Variants in GXYLT2 observed in about 807,000 individuals in gnomAD.
GXYLT2 encodes glycosyltransferase 8 domain containing 4.
Under a neutral mutation model 45.8 loss-of-function variants are expected in GXYLT2, and 53 were observed. That is an observed-to-expected ratio of 1.16 (90% confidence interval 0.93 to 1.46). The LOEUF (loss-of-function observed/expected upper bound fraction) is 1.46. Among genes scored for constraint, GXYLT2 ranks in the 40% most tolerant of loss-of-function variants. The pLI, the probability that GXYLT2 is intolerant of heterozygous loss-of-function variation, is 0.00. For synonymous variants in GXYLT2, 219 were observed against 214.2 expected (o/e 1.02, Z -0.19); for missense variants, 551 against 544.4 (o/e 1.01, Z -0.12).
At chr3:72,904,271 A>C (rs1295390052) in intron 1 of GXYLT2, among the ~76,000 whole-genome samples, 3 of 152,334 alleles carry the variant, frequency 2.0e-5, no homozygotes, top group Middle Eastern at 3.4e-3. Context: ...GGATCCTCAC[A>C]ATCTTGATTG....
At chr3:72,952,551 C>T (rs111851581) in intron 3 of GXYLT2, among the ~76,000 whole-genome samples, 2 of 151,970 alleles carry the variant, frequency 1.3e-5, no homozygotes, top group Admixed American at 1.3e-4. Context: ...CTTGGGCTGC[C>T]GTAACAAAAT....
chr3:72,972,908 G>A (rs1396935370), intron 6 of GXYLT2, among the ~76,000 whole-genome samples: 1 of 151,986 alleles, frequency 6.6e-6, no homozygotes, highest in Non-Finnish European at 1.5e-5. Flanking sequence ...CTGTACTCCA[G>A]CCAGAGCAAG....
At chr3:72,965,695 G>A (rs1428861343) in intron 5 of GXYLT2, among the ~76,000 whole-genome samples, 1 of 152,086 alleles carries the variant, frequency 6.6e-6, no homozygotes, top group Admixed American at 6.6e-5. Flanking sequence ...GTTCATTATA[G>A]GATGTTCAGA....
chr3:72,945,453 A>G (rs993939323), intron 3 of GXYLT2, among the ~76,000 whole-genome samples: 3 of 152,208 alleles, frequency 2.0e-5, no homozygotes, highest in Admixed American at 2.0e-4. Context: ...AGAAGATCCC[A>G]GCCCTCAAGG....
intron 4 of GXYLT2, 38 bp downstream of exon 4, chr3:72,955,387 G>A (rs1203736481): frequency 6.2e-7 from 1 of 1,602,610 alleles, no homozygotes; most frequent in Non-Finnish European, 8.5e-7. Context: ...TTAAAGACTG[G>A]GAGTTGGTCT....
At chr3:72,930,833 A>G (rs770785732) in intron 3 of GXYLT2, among the ~76,000 whole-genome samples, 4 of 151,916 alleles carry the variant, frequency 2.6e-5, no homozygotes, top group Non-Finnish European at 5.9e-5. Flanking sequence ...GGCTCAAGTG[A>G]TCCACCTGCC....
chr3:72,937,544 C>A (rs114024728), intron 3 of GXYLT2, among the ~76,000 whole-genome samples: 1,903 of 152,308 alleles, frequency 0.012, 20 homozygotes, highest in Admixed American at 0.02. Flanking sequence ...ATCCTCTTTA[C>A]AAATGAGGAA....
chr3:72,891,939 A>G (rs1372626887), intron 1 of GXYLT2, among the ~76,000 whole-genome samples: 1 of 152,128 alleles, frequency 6.6e-6, no homozygotes, highest in Non-Finnish European at 1.5e-5. Context: ...TAAAATGAGA[A>G]TTGTACTTGG....
chr3:72,969,005 A>C (rs2107157315), intron 6 of GXYLT2, among the ~76,000 whole-genome samples: 1 of 152,062 alleles, frequency 6.6e-6, no homozygotes, highest in Middle Eastern at 3.4e-3. Flanking sequence ...CAGGAGGCGG[A>C]GCTTGCAGGG....
At chr3:72,909,451 G>A (rs1340311990) in intron 2 of GXYLT2, among the ~76,000 whole-genome samples, 2 of 151,934 alleles carry the variant, frequency 1.3e-5, no homozygotes, top group East Asian at 1.9e-4. Flanking sequence ...ACATATGTAT[G>A]TATCCTGATT....
Position 72,975,369 on chromosome 3 carries a change from GAA to G in GXYLT2, c.*221_*222del, listed in dbSNP as rs5850090. 59 of 329,378 alleles carry G rather than the reference GAA, an allele frequency of 1.8e-4. No homozygotes were observed. The highest frequency in any genetic ancestry group is 7.8e-4 in the Middle Eastern group (1 of 1,274). The allele number at this position is 329,378 out of a possible 1,614,324, so 20.4% of individuals were successfully genotyped here. ...TTCTAAAATGCTATTTATCTCTAAGGAAAAAAAAAAAAGACTATTACTCATTT... is the reference window on the plus strand; with the variant it reads ...TTCTAAAATGCTATTTATCTCTAAGGAAAAAAAAAAGACTATTACTCATTT... On this transcript the variant is annotated 3_prime_UTR_variant, in exon 7 of 7. Transcript: ENST00000389617.
At chr3:72,906,724 G>T (rs1709516866) in intron 1 of GXYLT2, among the ~76,000 whole-genome samples, 1 of 152,174 alleles carries the variant, frequency 6.6e-6, no homozygotes, top group Non-Finnish European at 1.5e-5. Context: ...CTGAAATAAA[G>T]AGAGACAGGC....
intron 6 of GXYLT2, among the ~76,000 whole-genome samples, chr3:72,972,278 T>C (rs956651244): frequency 7.9e-5 from 12 of 152,132 alleles, no homozygotes; most frequent in African/African-American, 2.7e-4. Context: ...GAAGCATCTA[T>C]TTTATGCAGG....
At chr3:72,960,389 T>G (rs115210091) in intron 5 of GXYLT2, among the ~76,000 whole-genome samples, 324 of 152,310 alleles carry the variant, frequency 2.1e-3, no homozygotes, top group African/African-American at 7.6e-3. Flanking sequence ...AGTGAGTAAA[T>G]AAATAATACC....
intron 3 of GXYLT2, chr3:72,929,046 C>T (rs946986828): frequency 1.9e-6 from 3 of 1,566,784 alleles, no homozygotes; most frequent in Admixed American, 3.3e-5. Context: ...GCCGCCGTGA[C>T]GACCGCGTCC....
rs753349593 is a variant in GXYLT2, at chr3:72,908,490, T to G, written c.399T>G (p.Leu133=). 1 of 1,613,946 alleles carries G rather than the reference T, an allele frequency of 6.2e-7. No homozygotes were observed. The highest frequency in any genetic ancestry group is 1.1e-5 in the South Asian group (1 of 91,084). Reference sequence around the variant, plus strand: ...TGGTCATGCTCAAATCAGCTGTGCTTTTTAGCCACAGGAAGATCCAATTCC... The same window carrying G: ...TGGTCATGCTCAAATCAGCTGTGCTGTTTAGCCACAGGAAGATCCAATTCC... ...ETLVMLKSAV[L]FSHRKIQFHI... The change falls in exon 2 of 7, where the codon CTT becomes CTG. Residue 133 remains leucine, a synonymous_variant. Coordinates refer to ENST00000389617, the MANE Select transcript of GXYLT2 (RefSeq NM_001080393.2).
chr3:72,898,759 T>A, intron 1 of GXYLT2, among the ~76,000 whole-genome samples: 1 of 150,268 alleles, frequency 6.7e-6, no homozygotes, highest in East Asian at 2.0e-4. Context: ...CAGATGGAGT[T>A]TCATTCTTGT....
At chr3:72,901,554 CT>C (rs71124002) in intron 1 of GXYLT2, among the ~76,000 whole-genome samples, 493 of 77,188 alleles carry the variant, frequency 6.4e-3, no homozygotes, top group African/African-American at 0.022. Context: ...AACATTTTCG[CT>C]TTTTTTTTTT....
intron 1 of GXYLT2, among the ~76,000 whole-genome samples, chr3:72,895,244 G>A (rs1252906705): frequency 6.6e-6 from 1 of 152,162 alleles, no homozygotes; most frequent in Non-Finnish European, 1.5e-5. Flanking sequence ...GTAGGGCGGA[G>A]TGGGGTCAGG....
Sources: gnomAD v4.1 joint callset for allele counts (sites outside exome capture counted in the v4.1 genomes callset) on GRCh38, gnomAD v4.1.1 for gene constraint, MANE v1.5 for transcripts, NCBI Gene and HGNC (gene_info 2026-07-23, HGNC 2026-07-21) for gene names.